UNC13C: variants seen among roughly 807,000 people sequenced by gnomAD.
The protein encoded by UNC13C is unc-13 homolog C, also known as protein unc-13 homolog C.
Under a neutral mutation model 245.4 loss-of-function variants are expected in UNC13C, and 174 were observed. That is an observed-to-expected ratio of 0.71 (90% CI 0.63 to 0.80). UNC13C has a LOEUF of 0.80. Among genes scored for constraint, UNC13C ranks in the 30% least tolerant of loss-of-function variants. The pLI is 0.00. For synonymous variants in UNC13C, 992 were observed against 895.1 expected (o/e 1.11, Z -1.93); for missense variants, 2,829 against 2,602.9 (o/e 1.09, Z -1.89).
chr15:54,622,805 G>A (rs1900878983), intron 31 of UNC13C, among the ~76,000 whole-genome samples: 1 of 152,034 alleles, frequency 6.6e-6, no homozygotes, highest in African/African-American at 2.4e-5. Flanking sequence ...TTTACAATGA[G>A]TGGCTCAATT....
intron 10 of UNC13C, among the ~76,000 whole-genome samples, chr15:54,278,265 A>T (rs1003017754): frequency 8.5e-5 from 13 of 152,054 alleles, no homozygotes; most frequent in Non-Finnish European, 1.6e-4. Flanking sequence ...GTGATTTTAG[A>T]ACTCCAAGAA....
intron 19 of UNC13C, 41 bp from the exon 20 acceptor site, chr15:54,494,567 C>T: frequency 1.1e-5 from 16 of 1,495,662 alleles, no homozygotes; most frequent in Non-Finnish European, 1.2e-5. Context: ...GCATTGTTGG[C>T]AAACCAAGCT....
intron 30 of UNC13C, among the ~76,000 whole-genome samples, chr15:54,579,525 G>A (rs951570607): frequency 6.6e-5 from 10 of 151,964 alleles, no homozygotes; most frequent in Admixed American, 1.3e-4. Flanking sequence ...GTAGGAGGCC[G>A]AGGCAGGCAG....
chr15:53,903,736 T>C, the UNC13C span, among the ~76,000 whole-genome samples: 1 of 152,154 alleles, frequency 6.6e-6, no homozygotes, highest in South Asian at 2.1e-4. Context: ...AAATTGGAGG[T>C]CGAAGGGCTG....
the UNC13C span, among the ~76,000 whole-genome samples, chr15:53,929,559 C>T: frequency 6.7e-6 from 1 of 150,340 alleles, no homozygotes; most frequent in Non-Finnish European, 1.5e-5. Flanking sequence ...CAGCTTAGAC[C>T]TCAATATTTT....
chr15:53,849,974 T>TA, the UNC13C span, among the ~76,000 whole-genome samples: 1 of 152,246 alleles, frequency 6.6e-6, no homozygotes, highest in Non-Finnish European at 1.5e-5. Flanking sequence ...CGTTACCACT[T>TA]ACAGCCTTCT....
chr15:54,417,638 A>G (rs948723887), intron 19 of UNC13C, among the ~76,000 whole-genome samples: 6 of 152,140 alleles, frequency 3.9e-5, no homozygotes, highest in African/African-American at 1.4e-4. Context: ...AAGTGTTTTA[A>G]TGCTTTTTAG....
At chr15:54,275,485 T>C (rs1313851834) in intron 10 of UNC13C, among the ~76,000 whole-genome samples, 2 of 152,196 alleles carry the variant, frequency 1.3e-5, no homozygotes, top group African/African-American at 4.8e-5. Context: ...GTATATGATA[T>C]AGTTTGTTGG....
intron 24 of UNC13C, among the ~76,000 whole-genome samples, chr15:54,515,285 T>C (rs1276675868): frequency 6.6e-6 from 1 of 152,200 alleles, no homozygotes; most frequent in Non-Finnish European, 1.5e-5. Flanking sequence ...CCCCATATAA[T>C]ATTATCTGTC....
At chr15:54,125,894 G>A (rs532626846) in intron 2 of UNC13C, among the ~76,000 whole-genome samples, 6 of 151,826 alleles carry the variant, frequency 4.0e-5, no homozygotes, top group Non-Finnish European at 8.8e-5. Context: ...TTTTTCCATT[G>A]ATTACTTTCA....
chr15:54,367,280 A>G (rs1400991432), intron 17 of UNC13C, among the ~76,000 whole-genome samples: 1 of 152,166 alleles, frequency 6.6e-6, no homozygotes, highest in Non-Finnish European at 1.5e-5. Context: ...TTAAAAAGGT[A>G]GTAGCTCTCC....
intron 10 of UNC13C, among the ~76,000 whole-genome samples, chr15:54,273,277 C>T (rs1375470962): frequency 6.6e-6 from 1 of 152,160 alleles, no homozygotes; most frequent in Non-Finnish European, 1.5e-5. Context: ...CTCTTCTTCT[C>T]TGAGAGTTTA....
intron 1 of UNC13C, among the ~76,000 whole-genome samples, chr15:54,012,019 A>T (rs559992054): frequency 6.6e-6 from 1 of 152,350 alleles, no homozygotes; most frequent in Non-Finnish European, 1.5e-5. Flanking sequence ...TAAAATATTA[A>T]GTTCAATTCA....
chr15:54,587,038 C>A (rs1898529457), intron 30 of UNC13C, among the ~76,000 whole-genome samples: 2 of 152,110 alleles, frequency 1.3e-5, no homozygotes, highest in South Asian at 4.1e-4. Flanking sequence ...TTTTATGTAC[C>A]AATATGGCTG....
At chr15:54,596,455 C>T (rs1012073805) in intron 30 of UNC13C, among the ~76,000 whole-genome samples, 3 of 151,962 alleles carry the variant, frequency 2.0e-5, no homozygotes, top group Admixed American at 1.3e-4. Flanking sequence ...ACTGTAAGTC[C>T]CAGGCTTGCT....
chr15:54,380,282 A>G (rs983080575), intron 17 of UNC13C, among the ~76,000 whole-genome samples: 10 of 152,188 alleles, frequency 6.6e-5, no homozygotes, highest in South Asian at 4.2e-4. Context: ...ATGTTCTCCA[A>G]GTTCATCCAT....
At chr15:54,060,048 T>C (rs1421453680) in intron 2 of UNC13C, among the ~76,000 whole-genome samples, 1 of 152,146 alleles carries the variant, frequency 6.6e-6, no homozygotes, top group South Asian at 2.1e-4. Flanking sequence ...ATTCAGGACA[T>C]AGGCATGGGC....
intron 30 of UNC13C, among the ~76,000 whole-genome samples, chr15:54,620,439 C>T (rs1222415075): frequency 6.6e-6 from 1 of 152,166 alleles, no homozygotes; most frequent in Non-Finnish European, 1.5e-5. Context: ...GACATCAAAA[C>T]TCACATATTG....
chr15:54,049,437 G>A (rs923662027), intron 2 of UNC13C: 9 of 477,110 alleles, frequency 1.9e-5, no homozygotes, highest in African/African-American at 1.8e-4. Context: ...TCTTTGTGGA[G>A]ACCACATAAC....
Sources: allele counts gnomAD v4.1 joint callset (sites outside exome capture counted in the v4.1 genomes callset), GRCh38; gene constraint gnomAD v4.1.1; transcripts MANE v1.5; gene names NCBI Gene and HGNC (gene_info 2026-07-23, HGNC 2026-07-21).